Variants in GAS2L3 observed in about 807,000 individuals in gnomAD.
GAS2L3 encodes GAS2-like protein 3.
In GAS2L3, 28 loss-of-function variants were observed where a neutral mutation model predicts 37.0. The observed-to-expected ratio is 0.76, with a 90% CI of 0.56 to 1.04. The LOEUF is 1.04. GAS2L3 is among the 50% of genes least tolerant of loss of function. The pLI, the probability that GAS2L3 is intolerant of heterozygous loss-of-function variation, is 0.00. For synonymous variants in GAS2L3, 290 were observed against 296.6 expected (o/e 0.98, Z 0.23); for missense variants, 793 against 817.6 (o/e 0.97, Z 0.37).
Position 100,600,371 on chromosome 12 carries a change from T to G in GAS2L3, c.19-11T>G. 6.5e-7 allele frequency: 1 copy of G among 1,548,770 alleles called. No homozygotes were observed. The highest frequency in any genetic ancestry group is 8.7e-7 in the Non-Finnish European group (1 of 1,148,750). On this transcript the variant is annotated splice_polypyrimidine_tract_variant and intron_variant, in intron 3 of 9. Coordinates refer to ENST00000547754, the MANE Select transcript of GAS2L3 (RefSeq NM_174942.3). ...TTATTCATTCAGTTGATTGATTTTT[T>G]TTTTCTTTAGGTATGGTTTGGAGAA...
chr12:100,616,015 GA>G (rs143757345), intron 6 of GAS2L3, among the ~76,000 whole-genome samples: 11 of 149,732 alleles, frequency 7.3e-5, no homozygotes, highest in Middle Eastern at 3.4e-3. Flanking sequence ...TCCATTTCTG[GA>G]AAAAAAAAGG....
At chr12:100,613,408 A>G (rs907063740) in intron 6 of GAS2L3, among the ~76,000 whole-genome samples, 1 of 152,206 alleles carries the variant, frequency 6.6e-6, no homozygotes. Flanking sequence ...TATGAAACAA[A>G]TATACTATTT....
intron 5 of GAS2L3, among the ~76,000 whole-genome samples, chr12:100,608,646 C>G (rs1330084424): frequency 6.6e-6 from 1 of 152,094 alleles, no homozygotes; most frequent in Non-Finnish European, 1.5e-5. Flanking sequence ...CTCAGCCTCC[C>G]TAGTAGCTGG....
chr12:100,579,335 C>T, intron 1 of GAS2L3: 1 of 678,428 alleles, frequency 1.5e-6, no homozygotes, highest in Middle Eastern at 2.6e-4. Context: ...ACGAGCGGCA[C>T]TGATTACTGA....
At chr12:100,593,913 C>G (rs1699224771) in intron 2 of GAS2L3, 1 of 151,962 alleles carries the variant, frequency 6.6e-6, no homozygotes, top group South Asian at 2.1e-4. Flanking sequence ...TTAGGCTTTT[C>G]AGTATGGTTT....
At chr12:100,586,534 T>C (rs1955783387) in intron 1 of GAS2L3, among the ~76,000 whole-genome samples, 1 of 152,140 alleles carries the variant, frequency 6.6e-6, no homozygotes, top group African/African-American at 2.4e-5. Flanking sequence ...TGAACTGAAC[T>C]ACAGTAGTGA....
intron 6 of GAS2L3, among the ~76,000 whole-genome samples, chr12:100,616,024 A>G (rs1217302815): frequency 1.3e-5 from 2 of 152,136 alleles, no homozygotes; most frequent in African/African-American, 4.8e-5. Context: ...GGAAAAAAAA[A>G]GGGGTGTTGT....
At chr12:100,582,618 A>G (rs1292907514) in intron 1 of GAS2L3, among the ~76,000 whole-genome samples, 3 of 152,224 alleles carry the variant, frequency 2.0e-5, no homozygotes, top group Non-Finnish European at 4.4e-5. Context: ...GTTGCCCATG[A>G]CAAACTGATT....
Position 100,617,647 on chromosome 12 carries a change from T to C in GAS2L3, c.446-97T>C, listed in dbSNP as rs913856915. 57 of 769,962 alleles carry C rather than the reference T, an allele frequency of 7.4e-5. 1 individual carries two copies. In the Middle Eastern group the frequency reaches 1.4e-3, roughly 20 times the overall value. The allele number at this position is 769,962 out of a possible 1,614,324, so 47.7% of individuals were successfully genotyped here. A position where few individuals can be genotyped will look rare whatever the true frequency, so the allele number is the denominator to read the frequency against. Reference sequence around the variant, plus strand: ...TTCTAAACAAGTAAACCTGCTGTCTTCATTATTCTTTTTTATTTAACTCTC... The same window carrying C: ...TTCTAAACAAGTAAACCTGCTGTCTCCATTATTCTTTTTTATTTAACTCTC... On this transcript the variant is annotated intron_variant, in intron 6 of 9. Coordinates refer to ENST00000547754, the MANE Select transcript of GAS2L3 (RefSeq NM_174942.3).
intron 2 of GAS2L3, 82 bp from the exon 3 acceptor site, chr12:100,594,793 C>T: frequency 2.2e-6 from 1 of 450,824 alleles, no homozygotes; most frequent in South Asian, 6.0e-5. Context: ...AAACACATTC[C>T]TAAATCTTGT....
intron 5 of GAS2L3, among the ~76,000 whole-genome samples, chr12:100,605,680 A>G (rs974401603): frequency 1.3e-5 from 2 of 150,674 alleles, no homozygotes; most frequent in African/African-American, 4.9e-5. Flanking sequence ...AGGTTTTGGT[A>G]TTTGTGCTTT....
Position 100,624,232 on chromosome 12 carries a change from A to C in GAS2L3, c.1427A>C (p.His476Pro), listed in dbSNP as rs111739818. The change falls in exon 10 of 10, where the codon CAT becomes CCT. Residue 476 changes from histidine (H) to proline (P), a missense_variant. By Grantham distance (77) the His-to-Pro change is moderately conservative (BLOSUM62 -2). Coordinates refer to ENST00000547754, the MANE Select transcript of GAS2L3 (RefSeq NM_174942.3). ...SGKTQPKYLK[H>P]NHISSRDNAV... ...AAAACTCAACCTAAGTATTTGAAACATAATCATATTTCTTCCAGAGATAAT... is the reference window on the plus strand; with the variant it reads ...AAAACTCAACCTAAGTATTTGAAACCTAATCATATTTCTTCCAGAGATAAT... The C allele has an allele frequency of 1.6e-4, 255 of 1,614,084 alleles. No individual in the cohort carries two copies. The African/African-American group carries it at 3.1e-3, about 19-fold the overall frequency.
At position 100,612,136 on chromosome 12, in the gene GAS2L3, G is replaced by T. The variant is rs1382567889; in HGVS notation, c.440G>T (p.Gly147Val). ...VDETYLFESEGLVLHKDPRQV... is the reference protein window; with the variant it reads ...VDETYLFESEVLVLHKDPRQV... ...GAAACTTACCTCTTTGAATCTGAAG[G>T]TTTAGGTAAGTGATGTTCTTGTCAT... is the stretch of plus-strand genomic sequence containing the variant. The change falls in exon 6 of 10, where the codon GGT becomes GTT. Residue 147 changes from glycine (G) to valine (V), a missense_variant. By Grantham distance (109) the Gly-to-Val change is moderately radical. Coordinates refer to ENST00000547754, the MANE Select transcript of GAS2L3 (RefSeq NM_174942.3). 2 of 1,612,602 alleles carry T rather than the reference G, an allele frequency of 1.2e-6. No homozygotes were observed. Among genetic ancestry groups the T allele is most frequent in the Admixed American group, 1.7e-5 (1 of 59,962 alleles).
intron 2 of GAS2L3, among the ~76,000 whole-genome samples, chr12:100,592,985 A>G (rs777217205): frequency 1.3e-5 from 2 of 152,140 alleles, no homozygotes; most frequent in African/African-American, 2.4e-5. Context: ...AGGGAATGAT[A>G]GAAAAGAGGA....
chr12:100,611,426 T>C (rs1167200218), intron 5 of GAS2L3, among the ~76,000 whole-genome samples: 1 of 152,120 alleles, frequency 6.6e-6, no homozygotes, highest in Non-Finnish European at 1.5e-5. Flanking sequence ...AAGAAAGAGG[T>C]GAGAGATGTT....
At chr12:100,594,569 G>A (rs1955886831) in intron 2 of GAS2L3, among the ~76,000 whole-genome samples, 1 of 151,866 alleles carries the variant, frequency 6.6e-6, no homozygotes, top group African/African-American at 2.4e-5. Flanking sequence ...ACTTTTATAT[G>A]AGCTAAGTTT....
intron 2 of GAS2L3, chr12:100,593,979 T>C (rs1048267182): frequency 2.0e-5 from 3 of 152,100 alleles, no homozygotes; most frequent in African/African-American, 7.2e-5. Flanking sequence ...AAGTGGTATG[T>C]ATAGTTGACA....
At chr12:100,603,920 G>T (rs1956023933) in intron 5 of GAS2L3, among the ~76,000 whole-genome samples, 1 of 152,056 alleles carries the variant, frequency 6.6e-6, no homozygotes, top group Non-Finnish European at 1.5e-5. Flanking sequence ...TAGCATGTTT[G>T]TTATAAGTGA....
At chr12:100,617,179 A>G (rs1244117470) in intron 6 of GAS2L3, among the ~76,000 whole-genome samples, 3 of 152,144 alleles carry the variant, frequency 2.0e-5, no homozygotes, top group African/African-American at 7.2e-5. Flanking sequence ...ATGGTATATA[A>G]TCCTTCTATA....
Sources: allele counts gnomAD v4.1 joint callset (sites outside exome capture counted in the v4.1 genomes callset), GRCh38; gene constraint gnomAD v4.1.1; transcripts MANE v1.5; gene names NCBI Gene and HGNC (gene_info 2026-07-23, HGNC 2026-07-21).